The following CCL25 variants were observed in gnomAD, a reference collection of about 807,000 sequenced individuals.
The protein encoded by CCL25 is C-C motif chemokine 25.
CCL25 carries 14 observed loss-of-function variants against 19.9 expected under a neutral mutation model. That is an observed-to-expected ratio of 0.70 (90% CI 0.47 to 1.10). CCL25 has a LOEUF of 1.10. CCL25 is among the 50% of genes least tolerant of loss of function. The pLI, the probability that CCL25 is intolerant of heterozygous loss-of-function variation, is 0.00. For missense variants in CCL25, 151 were observed against 181.2 expected, an observed-to-expected ratio of 0.83 and a Z score of 0.96; for synonymous variants, 68 against 73.2, an observed-to-expected ratio of 0.93 and a Z score of 0.36.
intron 2 of CCL25, among the ~76,000 whole-genome samples, chr19:8,055,577 G>A (rs558704751): frequency 5.3e-5 from 8 of 151,510 alleles, no homozygotes; most frequent in East Asian, 2.0e-4. Context: ...CTCGTGATCC[G>A]CCCACCTTGG....
At chr19:8,054,241 C>T (rs2081252872) in intron 2 of CCL25, among the ~76,000 whole-genome samples, 1 of 152,236 alleles carries the variant, frequency 6.6e-6, no homozygotes, top group African/African-American at 2.4e-5. Flanking sequence ...TCGGCTGGGT[C>T]TGATGGGTCC....
chr19:8,055,930 G>A (rs541603902), intron 2 of CCL25, among the ~76,000 whole-genome samples: 13 of 152,262 alleles, frequency 8.5e-5, no homozygotes, highest in South Asian at 2.1e-4. Context: ...CTTCCCAGCC[G>A]GGACCCAAGG....
rs191240304 is a variant in CCL25 at position 8,055,556 on chromosome 19, A to C, written c.74-596A>C. On this transcript the variant is annotated intron_variant, in intron 2 of 5. Coordinates refer to ENST00000315626, the MANE Select transcript of CCL25 (RefSeq NM_005624.4). ...TCACCGTGTTAGCCAGGATGGTCTC[A>C]ATCTCCTGACCTCGTGATCCGCCCA... 1.3e-4 allele frequency among the ~76,000 whole-genome samples: 20 copies of C among 151,684 alleles called. 1 individual carries two copies. Among genetic ancestry groups the C allele is most frequent in the South Asian group, 6.2e-4 (3 of 4,804 alleles).
In CCL25 at chr19:8,062,454, A is replaced by T; in HGVS notation, c.*229A>T. ...GCCTTTTGCCGCTCCGGGGACCAGCAGCAATCCTGGGCAGCCAGTGGCTCT... is the reference window on the plus strand; with the variant it reads ...GCCTTTTGCCGCTCCGGGGACCAGCTGCAATCCTGGGCAGCCAGTGGCTCT... On this transcript the variant is annotated 3_prime_UTR_variant, in exon 6 of 6. Transcript: ENST00000315626. The T allele has an allele frequency of 1.8e-6, 1 of 566,352 alleles. No homozygotes were observed. The highest frequency in any genetic ancestry group is 3.2e-6 in the Non-Finnish European group (1 of 315,790). 35.1% of individuals were successfully genotyped at this position (566,352 alleles called of 1,614,324 possible).
chr19:8,056,302 G>GGGGGGGGGGGGGGGGGGGCCCCCC, intron 3 of CCL25, 33 bp downstream of exon 3: 5 of 593,288 alleles, frequency 8.4e-6, no homozygotes, highest in Non-Finnish European at 1.3e-5. Context: ...GGGGGGTGGG[G>GGGGGGGGGGGGGGGGGGGCCCCCC]TGCACACACA....
rs2081241663 is a variant in CCL25 at position 8,052,834 on chromosome 19, C to T, written c.-51+12C>T. On this transcript the variant is annotated intron_variant, in intron 1 of 5. Coordinates refer to ENST00000315626, the MANE Select transcript of CCL25 (RefSeq NM_005624.4). ...CCCAGTGGATATCGGTGAGTCTTTTCCTTGAACATGACTGAGATGAACAGC... is the reference window on the plus strand; with the variant it reads ...CCCAGTGGATATCGGTGAGTCTTTTTCTTGAACATGACTGAGATGAACAGC... The T allele has an allele frequency of 2.0e-6, 1 of 510,720 alleles. No homozygotes were observed. Among genetic ancestry groups the T allele is most frequent in the Admixed American group, 3.3e-5 (1 of 29,864 alleles). 31.6% of individuals were successfully genotyped at this position (510,720 alleles called of 1,614,324 possible).
intron 5 of CCL25, 70 bp downstream of exon 5, chr19:8,057,990 G>A (rs1318544631): frequency 6.4e-7 from 1 of 1,560,906 alleles, no homozygotes; most frequent in Non-Finnish European, 8.7e-7. Flanking sequence ...CTCGTGATTG[G>A]CTCACACTGG....
intron 2 of CCL25, among the ~76,000 whole-genome samples, chr19:8,054,529 G>A (rs1281871309): frequency 1.3e-5 from 2 of 152,138 alleles, no homozygotes; most frequent in Admixed American, 6.6e-5. Flanking sequence ...TTCTGGCAGA[G>A]GTGAGATTGC....
chr19:8,056,369 C>A lies in CCL25; in HGVS notation c.195C>A (p.Phe65Leu). 6.2e-7 allele frequency: 1 copy of A among 1,613,098 alleles called. No homozygotes were observed. Among genetic ancestry groups the A allele is most frequent in the Non-Finnish European group, 8.5e-7 (1 of 1,179,506 alleles). The part of the protein sequence containing the change: ...SGSCNLPAAI[F>L]YLPKRHRKVC... ...CACCCCCCTCTGCTCACCACAGATT[C>A]TACCTCCCCAAGAGACACAGGAAGG... is the stretch of plus-strand genomic sequence containing the variant. The change falls in exon 4 of 6, where the codon TTC becomes TTA. Residue 65 changes from phenylalanine (F) to leucine (L), a missense_variant. By Grantham distance (22) the Phe-to-Leu change is conservative. Coordinates refer to ENST00000315626, the MANE Select transcript of CCL25 (RefSeq NM_005624.4).
At chr19:8,058,891 T>C (rs2081294647) in intron 5 of CCL25, among the ~76,000 whole-genome samples, 1 of 139,790 alleles carries the variant, frequency 7.2e-6, no homozygotes, top group Non-Finnish European at 1.5e-5. Context: ...ATCTCCTGAC[T>C]TCGTGACCCA....
chr19:8,055,712 C>T (rs911942496), intron 2 of CCL25, among the ~76,000 whole-genome samples: 4 of 152,150 alleles, frequency 2.6e-5, no homozygotes, highest in African/African-American at 9.7e-5. Context: ...CTCAGGTGAT[C>T]CACCCACCTC....
At position 8,057,846 on chromosome 19, in the gene CCL25, TATC is replaced by T. The variant is rs757180932; in HGVS notation, c.375_377del (p.Ser127del). The T allele has an allele frequency of 3.1e-6, 5 of 1,613,568 alleles. No individual in the cohort carries two copies. Among genetic ancestry groups the T allele is most frequent in the Non-Finnish European group, 4.2e-6 (5 of 1,179,620 alleles). ...AAGTTGAGTTCTGGAAACTCCAAGTTATCATCGTCCAAGTTTAGCAATCCCATC... is the reference window on the plus strand; with the variant it reads ...AAGTTGAGTTCTGGAAACTCCAAGTTATCGTCCAAGTTTAGCAATCCCATC... On this transcript the variant is annotated inframe_deletion, in exon 5 of 6. Coordinates refer to ENST00000315626, the MANE Select transcript of CCL25 (RefSeq NM_005624.4).
chr19:8,057,988 T>A, intron 5 of CCL25, 68 bp downstream of exon 5: 1 of 1,563,692 alleles, frequency 6.4e-7, no homozygotes, highest in Non-Finnish European at 8.7e-7. Context: ...GGCTCGTGAT[T>A]GGCTCACACT....
intron 5 of CCL25, among the ~76,000 whole-genome samples, chr19:8,059,280 C>A (rs1441473667): frequency 6.8e-6 from 1 of 147,774 alleles, no homozygotes; most frequent in African/African-American, 2.5e-5. Flanking sequence ...CTCACTGCAA[C>A]CTCCGCCTCC....
At chr19:8,057,222 G>C (rs754541881) in intron 4 of CCL25, among the ~76,000 whole-genome samples, 1 of 152,118 alleles carries the variant, frequency 6.6e-6, no homozygotes, top group Non-Finnish European at 1.5e-5. Context: ...GTTTCACCAT[G>C]TTGGCCAGGC....
At chr19:8,056,050 G>T in intron 2 of CCL25, 102 bp from the exon 3 acceptor site, 1 of 761,600 alleles carries the variant, frequency 1.3e-6, no homozygotes, top group South Asian at 1.9e-5. Context: ...GAAGGGTTGT[G>T]GTATGAGCAG....
intron 5 of CCL25, among the ~76,000 whole-genome samples, chr19:8,059,946 G>A (rs1180342429): frequency 6.6e-6 from 1 of 151,876 alleles, no homozygotes; most frequent in Non-Finnish European, 1.5e-5. Context: ...AAAATTAGCC[G>A]GGCGTGGTGG....
intron 5 of CCL25, among the ~76,000 whole-genome samples, chr19:8,061,907 G>A (rs1230088572): frequency 2.0e-5 from 3 of 151,718 alleles, no homozygotes; most frequent in South Asian, 2.1e-4. Context: ...AAAATTAGCC[G>A]GGCATGGTGG....
chr19:8,059,138 T>TTTA (rs1300816527), intron 5 of CCL25, among the ~76,000 whole-genome samples: 122 of 81,490 alleles, frequency 1.5e-3, no homozygotes, highest in African/African-American at 5.3e-3. Context: ...TAAATATATA[T>TTTA]TATATAATAT....
Sources: allele counts gnomAD v4.1 joint callset (sites outside exome capture counted in the v4.1 genomes callset), GRCh38; gene constraint gnomAD v4.1.1; transcripts MANE v1.5; gene names NCBI Gene and HGNC (gene_info 2026-07-23, HGNC 2026-07-21).